Variants in TRIO observed in about 807,000 individuals in gnomAD.
TRIO encodes the protein trio Rho guanine nucleotide exchange factor, also known as triple functional domain protein.
In TRIO, 58 loss-of-function variants were observed where a neutral mutation model predicts 351.9. The observed-to-expected ratio is 0.16, with a 90% CI of 0.13 to 0.21. The LOEUF is 0.21. TRIO is among the 10% of genes least tolerant of loss of function. TRIO has a pLI of 1.00. For missense variants in TRIO, 3,201 were observed against 4,027.8 expected, an observed-to-expected ratio of 0.79 and a Z score of 5.56; for synonymous variants, 1,758 against 1,595.7, an observed-to-expected ratio of 1.10 and a Z score of -2.42.
chr5:14,260,353 C>T (rs953414955), intron 1 of TRIO, among the ~76,000 whole-genome samples: 4 of 152,140 alleles, frequency 2.6e-5, no homozygotes, highest in East Asian at 1.9e-4. Flanking sequence ...GTTAAGGCTA[C>T]GGTTAGTGTA....
At chr5:14,415,368 G>T (rs1749554438) in intron 33 of TRIO, among the ~76,000 whole-genome samples, 1 of 152,140 alleles carries the variant, frequency 6.6e-6, no homozygotes, top group Admixed American at 6.5e-5. Flanking sequence ...ACTCATCGCA[G>T]AGCTTGGTAA....
At chr5:14,489,092 A>G (rs752098146) in intron 48 of TRIO, 2 of 764,566 alleles carry the variant, frequency 2.6e-6, no homozygotes, top group Admixed American at 3.4e-5. Flanking sequence ...AACTGTTCTA[A>G]TGAGTGTATG....
At chr5:14,452,280 T>TGAAA (rs1752899590) in intron 34 of TRIO, among the ~76,000 whole-genome samples, 2 of 152,362 alleles carry the variant, frequency 1.3e-5, no homozygotes, top group South Asian at 4.1e-4. Context: ...CCTGCTTTCT[T>TGAAA]CCTCAGCCTT....
chr5:14,340,254 A>G (rs1034416250), intron 11 of TRIO, among the ~76,000 whole-genome samples: 2 of 151,912 alleles, frequency 1.3e-5, no homozygotes, highest in African/African-American at 2.4e-5. Flanking sequence ...AAAATTAGCC[A>G]GGCGTGGTGG....
At chr5:14,467,350 G>A (rs1754334571) in intron 37 of TRIO, among the ~76,000 whole-genome samples, 2 of 152,176 alleles carry the variant, frequency 1.3e-5, no homozygotes, top group Admixed American at 1.3e-4. Context: ...GGTTGACTGA[G>A]TCAAATGGGA....
At chr5:14,208,057 G>A (rs1791654408) in intron 1 of TRIO, among the ~76,000 whole-genome samples, 1 of 152,142 alleles carries the variant, frequency 6.6e-6, no homozygotes, top group East Asian at 1.9e-4. Context: ...CTCATAAATT[G>A]GGAATATAAG....
rs371912129 is a variant in TRIO at position 14,207,318 on chromosome 5, TCACACACACA to T, written c.157+63471_158-63463del. Among the ~76,000 whole-genome samples the T allele has an allele frequency of 5.4e-4, 6 of 11,064 alleles. 1 individual carries two copies. The highest frequency in any genetic ancestry group is 1.0e-3 in the Admixed American group (1 of 954). 7.3% of individuals were successfully genotyped at this position (11,064 alleles called of 152,430 possible). A position where few individuals can be genotyped will look rare whatever the true frequency, so the allele number is the denominator to read the frequency against. On this transcript the variant is annotated intron_variant, in intron 1 of 56. Transcript: ENST00000344204. ...CCAGGTAGCATAGCAAGACTGTCTC[TCACACACACA>T]CACACACACACACACACACACACAC...
rs548127271 is a variant in TRIO, at chr5:14,336,401, C to T, written c.1855-135C>T. Reference sequence around the variant, plus strand: ...AATTCCCAAAATCATCTCTCCCCATCATATTTTTCTGTTTGATTCATGTAA... The same window carrying T: ...AATTCCCAAAATCATCTCTCCCCATTATATTTTTCTGTTTGATTCATGTAA... On this transcript the variant is annotated intron_variant, in intron 10 of 56. Coordinates refer to ENST00000344204, the MANE Select transcript of TRIO (RefSeq NM_007118.4). 3.9e-5 allele frequency: 34 copies of T among 874,114 alleles called. No homozygotes were observed. The East Asian group carries it at 6.0e-4, about 15-fold the overall frequency. The allele number at this position is 874,114 out of a possible 1,614,324, so 54.1% of individuals were successfully genotyped here. A position where few individuals can be genotyped will look rare whatever the true frequency, so the allele number is the denominator to read the frequency against.
At chr5:14,432,338 G>A (rs559276690) in intron 34 of TRIO, among the ~76,000 whole-genome samples, 3 of 152,364 alleles carry the variant, frequency 2.0e-5, no homozygotes, top group Admixed American at 6.5e-5. Context: ...GTCTGTGCAC[G>A]TTGGAAGAAA....
Position 14,398,880 on chromosome 5 carries a change from G to A in TRIO, c.4424G>A (p.Gly1475Glu). Residue 1475 changes from glycine (G) to glutamate (E), a missense_variant and splice_region_variant, in exon 30 of 57, where the codon GGG becomes GAG. Coordinates refer to ENST00000344204, the MANE Select transcript of TRIO (RefSeq NM_007118.4). ...NDAMHLSMLE[G>E]FDENIESQGE... is the part of the protein sequence containing the mutation. ...TTGCCTCCCTTTTTTCATGTTGTAG[G>A]GTTTGATGAAAACATTGAGTCTCAG... 1 of 1,608,810 alleles carries A rather than the reference G, an allele frequency of 6.2e-7. No individual in the cohort carries two copies. Among genetic ancestry groups the A allele is most frequent in the Non-Finnish European group, 8.5e-7 (1 of 1,177,794 alleles).
At position 14,171,572 on chromosome 5, in the gene TRIO, A is replaced by T. The variant is rs555835863; in HGVS notation, c.157+27690A>T. 9.1e-4 allele frequency among the ~76,000 whole-genome samples: 139 copies of T among 152,320 alleles called. 1 individual carries two copies. Among genetic ancestry groups the T allele is most frequent in the African/African-American group, 3.2e-3 (132 of 41,562 alleles). On this transcript the variant is annotated intron_variant, in intron 1 of 56. Transcript: ENST00000344204. Reference sequence around the variant, plus strand: ...AACACTGTTCTTATGTAGTCTTATCACCGGTGGAGGTACAGATGGATATCA... The same window carrying T: ...AACACTGTTCTTATGTAGTCTTATCTCCGGTGGAGGTACAGATGGATATCA...
intron 34 of TRIO, among the ~76,000 whole-genome samples, chr5:14,438,273 G>A (rs1011830049): frequency 1.3e-5 from 2 of 152,040 alleles, no homozygotes; most frequent in African/African-American, 2.4e-5. Flanking sequence ...TCCTTTTCGA[G>A]GTCCTGTTCA....
intron 31 of TRIO, among the ~76,000 whole-genome samples, chr5:14,405,059 G>GA (rs369742532): frequency 1.0e-3 from 112 of 107,252 alleles, no homozygotes; most frequent in African/African-American, 1.7e-3. Flanking sequence ...CATGCAGAAA[G>GA]AAAAAAAAAA....
chr5:14,166,483 A>C (rs1199953128), intron 1 of TRIO, among the ~76,000 whole-genome samples: 1 of 152,152 alleles, frequency 6.6e-6, no homozygotes, highest in Non-Finnish European at 1.5e-5. Context: ...ATTGTGGTAT[A>C]TTATTCCTTA....
intron 37 of TRIO, among the ~76,000 whole-genome samples, chr5:14,467,441 G>A (rs944368521): frequency 1.1e-4 from 16 of 152,124 alleles, no homozygotes; most frequent in African/African-American, 2.9e-4. Context: ...GTGGTGTTCC[G>A]GAGAAGACCC....
intron 1 of TRIO, among the ~76,000 whole-genome samples, chr5:14,260,227 A>G (rs922796354): frequency 7.9e-5 from 12 of 152,228 alleles, no homozygotes; most frequent in African/African-American, 2.9e-4. Flanking sequence ...CAGCATTTCA[A>G]TGAAAAGTAA....
At chr5:14,329,879 A>G (rs770012868) in intron 9 of TRIO, among the ~76,000 whole-genome samples, 11 of 152,136 alleles carry the variant, frequency 7.2e-5, no homozygotes, top group Non-Finnish European at 1.3e-4. Context: ...TAAGTCCTGC[A>G]TTTGGTCCTC....
chr5:14,144,546 G>C (rs1338697245), intron 1 of TRIO, among the ~76,000 whole-genome samples: 2 of 152,140 alleles, frequency 1.3e-5, no homozygotes, highest in Non-Finnish European at 2.9e-5. Flanking sequence ...CATTGTCTCC[G>C]GGGACGACCC....
intron 37 of TRIO, chr5:14,466,086 G>C (rs1434470755): frequency 1.7e-5 from 3 of 181,634 alleles, no homozygotes; most frequent in Non-Finnish European, 3.6e-5. Context: ...CCCCTCCAGA[G>C]ATCAAGACAC....
Sources: allele counts gnomAD v4.1 joint callset (sites outside exome capture counted in the v4.1 genomes callset), GRCh38; gene constraint gnomAD v4.1.1; transcripts MANE v1.5; gene names NCBI Gene and HGNC (gene_info 2026-07-23, HGNC 2026-07-21).